The following CFH variants were observed in gnomAD, a reference collection of about 807,000 sequenced individuals.
The protein encoded by CFH is H factor 1 (complement).
A neutral mutation model predicts 147.3 loss-of-function variants in CFH; 53 were observed. The observed-to-expected ratio is 0.36, with a 90% CI of 0.29 to 0.45. CFH has a LOEUF of 0.45. CFH is among the 20% of genes least tolerant of loss of function. The probability of loss-of-function intolerance (pLI) is 1.00; values close to 1 mark genes in which losing one functional copy is unlikely to be tolerated. For synonymous variants in CFH, 536 were observed against 489.4 expected, an observed-to-expected ratio of 1.10 and a Z score of -1.26; for missense variants, 1,380 against 1,498.0, an observed-to-expected ratio of 0.92 and a Z score of 1.30.
intron 10 of CFH, among the ~76,000 whole-genome samples, chr1:196,714,287 T>C (rs1668793918): frequency 6.6e-6 from 1 of 151,998 alleles, no homozygotes; most frequent in African/African-American, 2.4e-5. Context: ...AAGCAATGTT[T>C]TTATTGAAGA....
At chr1:196,701,751 G>A (rs1305257689) in intron 9 of CFH, among the ~76,000 whole-genome samples, 2 of 152,152 alleles carry the variant, frequency 1.3e-5, no homozygotes, top group African/African-American at 4.8e-5. Flanking sequence ...TAGCTCTCAT[G>A]AACTAAGGGC....
At position 196,708,929 on chromosome 1, in the gene CFH, T is replaced by G. The variant is rs578176098; in HGVS notation, c.1337-4806T>G. ...TCACTGGGACATGATCAGAAACTTA[T>G]TGGCAACCACAGAAATAATTGCAAA... On this transcript the variant is annotated intron_variant, in intron 9 of 21. Coordinates refer to ENST00000367429, the MANE Select transcript of CFH (RefSeq NM_000186.4). Among the ~76,000 whole-genome samples the G allele has an allele frequency of 2.0e-5, 3 of 152,270 alleles. No homozygotes were observed. In the East Asian group the frequency reaches 5.8e-4, roughly 29 times the overall value.
intron 9 of CFH, among the ~76,000 whole-genome samples, chr1:196,707,522 C>G (rs963449157): frequency 6.6e-6 from 1 of 152,142 alleles, no homozygotes; most frequent in Non-Finnish European, 1.5e-5. Flanking sequence ...TCCTGGGGAC[C>G]ACTTAAAACA....
At chr1:196,691,598 A>G (rs1488584081) in intron 9 of CFH, among the ~76,000 whole-genome samples, 1 of 151,702 alleles carries the variant, frequency 6.6e-6, no homozygotes, top group Non-Finnish European at 1.5e-5. Context: ...GATTTTCTTT[A>G]TTTACCTTTT....
intron 19 of CFH, among the ~76,000 whole-genome samples, chr1:196,742,276 T>G (rs892903726): frequency 1.3e-5 from 2 of 152,148 alleles, no homozygotes; most frequent in South Asian, 4.1e-4. Context: ...CTTGGGAGAC[T>G]GAGGCAGGAG....
At chr1:196,740,099 C>A (rs933007131) in intron 17 of CFH, among the ~76,000 whole-genome samples, 1 of 152,120 alleles carries the variant, frequency 6.6e-6, no homozygotes, top group Non-Finnish European at 1.5e-5. Context: ...GGAAAAATCG[C>A]CCTCATGATT....
intron 7 of CFH, among the ~76,000 whole-genome samples, chr1:196,686,790 A>G (rs547294897): frequency 6.6e-6 from 1 of 152,278 alleles, no homozygotes; most frequent in East Asian, 1.9e-4. Flanking sequence ...GATTTCAATT[A>G]TTAATGTTTG....
At chr1:196,694,594 T>C (rs1314837396) in intron 9 of CFH, among the ~76,000 whole-genome samples, 2 of 152,234 alleles carry the variant, frequency 1.3e-5, no homozygotes, top group African/African-American at 2.4e-5. Context: ...TCTTCCACTA[T>C]GGTTGAACTA....
intron 1 of CFH, among the ~76,000 whole-genome samples, chr1:196,672,244 T>C (rs554963278): frequency 6.6e-6 from 1 of 152,294 alleles, no homozygotes; most frequent in South Asian, 2.1e-4. Context: ...TATCCAGAGC[T>C]GACAAACATA....
At chr1:196,742,073 AT>A in intron 19 of CFH, 22 bp downstream of exon 19, 1 of 1,611,710 alleles carries the variant, frequency 6.2e-7, no homozygotes. Flanking sequence ...AATTTTCAAA[AT>A]TTATTTATAT....
At position 196,747,422 on chromosome 1, in the gene CFH, G is replaced by T; in HGVS notation, c.*109G>T. 1.5e-6 allele frequency: 2 copies of T among 1,357,548 alleles called. No individual in the cohort carries two copies. Among genetic ancestry groups the T allele is most frequent in the Non-Finnish European group, 2.1e-6 (2 of 970,144 alleles). The allele number at this position is 1,357,548 out of a possible 1,614,324, so 84.1% of individuals were successfully genotyped here. A position where few individuals can be genotyped will look rare whatever the true frequency, so the allele number is the denominator to read the frequency against. On this transcript the variant is annotated 3_prime_UTR_variant, in exon 22 of 22. Transcript: ENST00000367429. ...CCTTTTTATTCATACGTAAAATTTT[G>T]GATTAATTTGTGAAAATGTAATTAT...
Position 196,740,716 on chromosome 1 carries a change from T to C in CFH, c.2880T>C (p.Phe960=), listed in dbSNP as rs766157711. 1 of 1,613,946 alleles carries C rather than the reference T, an allele frequency of 6.2e-7. No individual in the cohort carries two copies. Among genetic ancestry groups the C allele is most frequent in the Non-Finnish European group, 8.5e-7 (1 of 1,179,984 alleles). Reference sequence around the variant, plus strand: ...GAGAAGAAGTTACGTACAAATGTTTTGAAGGTTTTGGAATTGATGGGCCTG... The same window carrying C: ...GAGAAGAAGTTACGTACAAATGTTTCGAAGGTTTTGGAATTGATGGGCCTG... ...QYGEEVTYKC[F]EGFGIDGPAI... Residue 960 remains phenylalanine, a synonymous_variant, in exon 18 of 22, where the codon TTT becomes TTC. Coordinates refer to ENST00000367429, the MANE Select transcript of CFH (RefSeq NM_000186.4).
In CFH at chr1:196,713,868, A is replaced by G. The variant is rs373817164; in HGVS notation, c.1470A>G (p.Gly490=). The change falls in exon 10 of 22, where the codon GGA becomes GGG. Residue 490 remains glycine (G), a synonymous_variant. Coordinates refer to ENST00000367429, the MANE Select transcript of CFH (RefSeq NM_000186.4). The stretch of plus-strand genomic sequence containing the variant: ...TAACAGCAGATGGTGAAACATCAGG[A>G]TCAATTACATGTGGGAAAGATGGAT... ...GYVTADGETS[G]SITCGKDGWS... 6.2e-7 allele frequency: 1 copy of G among 1,612,736 alleles called. No individual in the cohort carries two copies. The highest frequency in any genetic ancestry group is 1.3e-5 in the African/African-American group (1 of 74,856).
intron 6 of CFH, among the ~76,000 whole-genome samples, chr1:196,680,158 T>C (rs1183091344): frequency 6.6e-6 from 1 of 151,836 alleles, no homozygotes; most frequent in Non-Finnish European, 1.5e-5. Flanking sequence ...ATTTAAATTA[T>C]ATGAATATTT....
At chr1:196,669,617 G>A (rs1314634358) in intron 1 of CFH, among the ~76,000 whole-genome samples, 3 of 152,176 alleles carry the variant, frequency 2.0e-5, no homozygotes, top group Admixed American at 6.5e-5. Flanking sequence ...GGTCCTGTGG[G>A]TACACAGAAT....
chr1:196,653,702 T>A (rs1012000615), intron 1 of CFH, among the ~76,000 whole-genome samples: 8 of 152,088 alleles, frequency 5.3e-5, no homozygotes, highest in Non-Finnish European at 1.0e-4. Context: ...GATTTAAACA[T>A]CTTATTTACA....
At chr1:196,732,536 T>C (rs1457602512) in intron 15 of CFH, among the ~76,000 whole-genome samples, 1 of 152,040 alleles carries the variant, frequency 6.6e-6, no homozygotes, top group African/African-American at 2.4e-5. Context: ...GTTTCTTTAT[T>C]TTCTTTAACT....
intron 15 of CFH, among the ~76,000 whole-genome samples, chr1:196,730,116 C>G (rs1010218661): frequency 6.6e-6 from 1 of 151,630 alleles, no homozygotes. Flanking sequence ...CATCCTTCTA[C>G]TAATTTTGGA....
rs1667321709 is a variant in CFH, at chr1:196,672,626, TC to T, written c.59-351del. On this transcript the variant is annotated intron_variant, in intron 1 of 21. Transcript: ENST00000367429. ...TTTTCTTTATAACTTAGAATAGTGC[TC>T]AATAAATATTTCCCAAATTAATGGA... Among the ~76,000 whole-genome samples the T allele has an allele frequency of 7.9e-5, 12 of 152,336 alleles. No individual in the cohort carries two copies. The South Asian group carries it at 2.5e-3, about 32-fold the overall frequency.
Sources: gnomAD v4.1 joint callset for allele counts (sites outside exome capture counted in the v4.1 genomes callset) on GRCh38, gnomAD v4.1.1 for gene constraint, MANE v1.5 for transcripts, NCBI Gene and HGNC (gene_info 2026-07-23, HGNC 2026-07-21) for gene names.